UGGT2: variants seen among roughly 807,000 people sequenced by gnomAD.
UGGT2 encodes UDP-glucose glycoprotein glucosyltransferase 2, also known as UDP-glucose:glycoprotein glucosyltransferase 2.
In UGGT2, 180 loss-of-function variants were observed where a neutral mutation model predicts 192.1. That is an observed-to-expected ratio of 0.94 (90% CI 0.83 to 1.06). The LOEUF (loss-of-function observed/expected upper bound fraction) is 1.06, where lower values mean the gene tolerates loss of function less well. Ranked by LOEUF, UGGT2 falls within the 50% of genes least tolerant of loss-of-function variation. The probability of loss-of-function intolerance (pLI) is 0.00; values close to 1 mark genes in which losing one functional copy is unlikely to be tolerated. For synonymous variants in UGGT2, 580 were observed against 591.0 expected (o/e 0.98, Z 0.27); for missense variants, 1,849 against 1,795.7 (o/e 1.03, Z -0.54).
intron 33 of UGGT2, 24 bp downstream of exon 33, chr13:95,859,567 C>G (rs1889955562): frequency 6.5e-7 from 1 of 1,543,758 alleles, no homozygotes; most frequent in African/African-American, 1.4e-5. Context: ...ATTAACCATT[C>G]TACAAAAAAA....
chr13:95,895,273 G>A lies in UGGT2; in HGVS notation c.2666C>T (p.Ala889Val). 6.5e-7 allele frequency: 1 copy of A among 1,530,172 alleles called. No individual in the cohort carries two copies. Among genetic ancestry groups the A allele is most frequent in the East Asian group, 2.3e-5 (1 of 42,972 alleles). 94.8% of individuals were successfully genotyped at this position (1,530,172 alleles called of 1,614,324 possible). A position where few individuals can be genotyped will look rare whatever the true frequency, so the allele number is the denominator to read the frequency against. The change falls in exon 23 of 39, where the codon GCA (alanine) becomes GTA (valine). Residue 889 changes from alanine (A) to valine (V), a missense_variant. Physicochemically the swap from Ala to Val is moderately conservative, Grantham distance 64. Transcript: ENST00000376747. ...FLGPLDEDFY[A>V]EDFYLLEKIT... ...CTTTTCCAACAAGTAAAAATCTTCT[G>A]CATAAAAATCTTCATCTAAAGGTCC...
intron 20 of UGGT2, among the ~76,000 whole-genome samples, chr13:95,903,501 C>A (rs1566665512): frequency 1.3e-5 from 2 of 152,166 alleles, no homozygotes; most frequent in Non-Finnish European, 1.5e-5. Flanking sequence ...GTAATAACAA[C>A]TTTGCTCTTC....
intron 6 of UGGT2, among the ~76,000 whole-genome samples, chr13:95,998,971 G>A (rs149352171): frequency 1.8e-4 from 27 of 152,150 alleles, no homozygotes; most frequent in Non-Finnish European, 3.7e-4. Context: ...GGAGCCCATC[G>A]GGTATCAGCA....
intron 10 of UGGT2, among the ~76,000 whole-genome samples, chr13:95,975,472 T>C (rs1396918291): frequency 1.3e-5 from 2 of 152,190 alleles, no homozygotes; most frequent in African/African-American, 4.8e-5. Context: ...TCATATGGGT[T>C]TGGAGCTGGA....
chr13:95,854,454 C>A lies in UGGT2; in HGVS notation c.4030G>T (p.Glu1344Ter), dbSNP rs1255251880. ...ADQIVRHDLK[E>*]LRDFDLDGAP... ...CCATCCAGATCGAAATCTCGAAGTT[C>A]TTTTAGATCATGTCTCACAATCTAA... The change falls in exon 35 of 39, where the codon GAA becomes TAA. Residue 1344 changes from glutamate to a stop codon, truncating the protein, a stop_gained. Coordinates refer to ENST00000376747, the MANE Select transcript of UGGT2 (RefSeq NM_020121.4). LOFTEE classifies it high-confidence loss of function. 6 of 1,609,356 alleles carry A rather than the reference C, an allele frequency of 3.7e-6. No homozygotes were observed. The South Asian group carries it at 6.7e-5, about 18-fold the overall frequency.
chr13:95,818,125 C>T (rs1457125272), intron 38 of UGGT2, among the ~76,000 whole-genome samples: 1 of 152,142 alleles, frequency 6.6e-6, no homozygotes, highest in Non-Finnish European at 1.5e-5. Flanking sequence ...CCGGGCAATG[C>T]AGTGAGCCCT....
chr13:95,957,713 A>G (rs1327790441), intron 12 of UGGT2, among the ~76,000 whole-genome samples: 1 of 152,212 alleles, frequency 6.6e-6, no homozygotes, highest in Non-Finnish European at 1.5e-5. Flanking sequence ...TATTTTACAA[A>G]GAGAATAGGA....
At chr13:95,840,388 G>A (rs1438181707) in intron 36 of UGGT2, among the ~76,000 whole-genome samples, 4 of 152,138 alleles carry the variant, frequency 2.6e-5, no homozygotes, top group African/African-American at 9.7e-5. Flanking sequence ...CGAAGAATAT[G>A]AACAGACGCT....
chr13:95,967,257 A>T (rs939855051), intron 12 of UGGT2, among the ~76,000 whole-genome samples: 1 of 151,222 alleles, frequency 6.6e-6, no homozygotes, highest in Non-Finnish European at 1.5e-5. Flanking sequence ...GGTCCAACGT[A>T]TTCTCCTGCC....
intron 1 of UGGT2, among the ~76,000 whole-genome samples, chr13:96,033,162 T>C (rs961857094): frequency 6.6e-6 from 1 of 152,180 alleles, no homozygotes; most frequent in African/African-American, 2.4e-5. Context: ...TGGAAAAACA[T>C]TCCATGCTCA....
At chr13:96,014,058 C>T (rs2052249541) in intron 4 of UGGT2, among the ~76,000 whole-genome samples, 1 of 152,104 alleles carries the variant, frequency 6.6e-6, no homozygotes, top group Non-Finnish European at 1.5e-5. Flanking sequence ...AATTAGACAG[C>T]TACCATCACT....
At chr13:95,888,258 A>T (rs192228525) in intron 25 of UGGT2, among the ~76,000 whole-genome samples, 10 of 152,238 alleles carry the variant, frequency 6.6e-5, no homozygotes, top group African/African-American at 2.4e-4. Flanking sequence ...ATAGTATCTA[A>T]ATTTCCTTAG....
At chr13:96,013,134 C>A (rs564212690) in intron 5 of UGGT2, among the ~76,000 whole-genome samples, 173 bp downstream of exon 5, 3 of 152,084 alleles carry the variant, frequency 2.0e-5, no homozygotes, top group Non-Finnish European at 2.9e-5. Flanking sequence ...ATCATACCCC[C>A]AGAAGAGACA....
At chr13:96,014,272 C>A (rs983417764) in intron 4 of UGGT2, among the ~76,000 whole-genome samples, 3 of 152,080 alleles carry the variant, frequency 2.0e-5, no homozygotes, top group Non-Finnish European at 4.4e-5. Flanking sequence ...GAATTCTGAT[C>A]TCTACAATCA....
intron 10 of UGGT2, among the ~76,000 whole-genome samples, chr13:95,977,645 G>A (rs1447764061): frequency 6.6e-6 from 1 of 152,152 alleles, no homozygotes; most frequent in African/African-American, 2.4e-5. Context: ...GATTCCTCAA[G>A]AATCTAGAAC....
intron 20 of UGGT2, among the ~76,000 whole-genome samples, chr13:95,921,331 C>A (rs895575367): frequency 5.8e-5 from 8 of 138,158 alleles, no homozygotes; most frequent in Non-Finnish European, 1.1e-4. Flanking sequence ...GCATATCCTA[C>A]ACATAACTCT....
chr13:95,953,160 C>A (rs192800309), intron 12 of UGGT2, among the ~76,000 whole-genome samples: 1 of 152,270 alleles, frequency 6.6e-6, no homozygotes, highest in Admixed American at 6.5e-5. Context: ...CCAAAGCTGG[C>A]TGTAATAAAA....
chr13:95,962,609 C>T (rs1162660897), intron 12 of UGGT2, among the ~76,000 whole-genome samples: 5 of 152,058 alleles, frequency 3.3e-5, no homozygotes, highest in Admixed American at 1.3e-4. Context: ...CCTAATTCTA[C>T]CAAACTTTCA....
chr13:96,030,444 A>G (rs1479343828), intron 2 of UGGT2, among the ~76,000 whole-genome samples: 3 of 152,210 alleles, frequency 2.0e-5, no homozygotes, highest in Non-Finnish European at 2.9e-5. Context: ...AAAAATTTTG[A>G]AAGGAAAAAT....
Sources: allele counts gnomAD v4.1 joint callset (sites outside exome capture counted in the v4.1 genomes callset), GRCh38; gene constraint gnomAD v4.1.1; transcripts MANE v1.5; gene names NCBI Gene and HGNC (gene_info 2026-07-23, HGNC 2026-07-21).